The following KCNMA1 variants were observed in gnomAD, a reference collection of about 807,000 sequenced individuals.
KCNMA1 encodes the protein potassium calcium-activated channel subfamily M alpha 1, also known as Calcium-activated potassium channel subunit alpha-1.
Under a neutral mutation model 140.0 loss-of-function variants are expected in KCNMA1, and 29 were observed. The ratio of observed to expected loss-of-function variants is 0.21; its 90% CI spans 0.15 to 0.28. The LOEUF (loss-of-function observed/expected upper bound fraction) is 0.28. Among genes scored for constraint, KCNMA1 ranks in the 10% least tolerant of loss-of-function variants. The pLI, the probability that KCNMA1 is intolerant of heterozygous loss-of-function variation, is 1.00. For synonymous variants in KCNMA1, 612 were observed against 611.9 expected (o/e 1.00, Z 0.00); for missense variants, 880 against 1,602.2 (o/e 0.55, Z 7.70).
At chr10:77,127,071 AACACACACACACACACACACACACACAC>A (rs60249347) in intron 5 of KCNMA1, among the ~76,000 whole-genome samples, 4 of 146,374 alleles carry the variant, frequency 2.7e-5, no homozygotes, top group African/African-American at 5.1e-5. Flanking sequence ...CACACACACA[AACACACACACACACACACACACACACAC>A]ACACACACAC....
At chr10:77,620,477 T>C (rs1157799164) in intron 1 of KCNMA1, among the ~76,000 whole-genome samples, 1 of 152,208 alleles carries the variant, frequency 6.6e-6, no homozygotes, top group Non-Finnish European at 1.5e-5. Flanking sequence ...TCCTTGTCCA[T>C]GGGATACACA....
intron 26 of KCNMA1, among the ~76,000 whole-genome samples, chr10:76,890,123 C>T (rs2039262892): frequency 6.6e-6 from 1 of 152,164 alleles, no homozygotes; most frequent in Non-Finnish European, 1.5e-5. Flanking sequence ...GGCAAGGGTG[C>T]AAGAGAATGT....
At chr10:76,879,988 C>T (rs368190579), downstream of KCNMA1, among the ~76,000 whole-genome samples, 2 of 152,070 alleles carry the variant, frequency 1.3e-5, no homozygotes, top group South Asian at 2.1e-4. Flanking sequence ...GAGCTGCCCT[C>T]GGTTTTGGCC....
rs748433446 is a variant in KCNMA1 at position 77,332,223 on chromosome 10, G to C, written c.540+71639C>G. ...GCTGAGACCTAAAGCGTGCACAGGA[G>C]TTGGCCAGGGGATGAGAGGGAAAAA... is the stretch of plus-strand genomic sequence containing the variant. On this transcript the variant is annotated intron_variant, in intron 2 of 27. Coordinates refer to ENST00000286628, the MANE Select transcript of KCNMA1 (RefSeq NM_001161352.2). Among the ~76,000 whole-genome samples, 18 of 152,272 alleles carry C rather than the reference G, an allele frequency of 1.2e-4. No homozygotes were observed. In the Middle Eastern group the frequency reaches 0.01, roughly 88 times the overall value.
chr10:77,511,753 C>A (rs1351708812), intron 1 of KCNMA1, among the ~76,000 whole-genome samples: 1 of 152,156 alleles, frequency 6.6e-6, no homozygotes, highest in African/African-American at 2.4e-5. Context: ...TGTGACTATA[C>A]AGTCGTCCCT....
intron 2 of KCNMA1, among the ~76,000 whole-genome samples, chr10:77,262,162 T>C (rs1040301540): frequency 6.6e-6 from 1 of 152,198 alleles, no homozygotes; most frequent in Non-Finnish European, 1.5e-5. Context: ...CAACCCAAAG[T>C]GTCCATGGAC....
chr10:77,134,750 G>A (rs2097949257), intron 5 of KCNMA1, among the ~76,000 whole-genome samples: 1 of 152,016 alleles, frequency 6.6e-6, no homozygotes, highest in Non-Finnish European at 1.5e-5. Context: ...TGTAATCCCA[G>A]CACTTTGGGA....
chr10:77,399,527 G>A (rs2096191082), intron 2 of KCNMA1, among the ~76,000 whole-genome samples: 2 of 152,226 alleles, frequency 1.3e-5, no homozygotes, highest in Non-Finnish European at 2.9e-5. Context: ...CGTGCTCCAA[G>A]AGAAGGCTCT....
rs547336989 is a variant in KCNMA1, at chr10:77,320,211, G to T, written c.541-68955C>A. Reference sequence around the variant, plus strand: ...ATGGTGGAGAAGAATTCTGGGGAAAGAATTCTGGGGAAAGAGTGTCTGGCA... The same window carrying T: ...ATGGTGGAGAAGAATTCTGGGGAAATAATTCTGGGGAAAGAGTGTCTGGCA... On this transcript the variant is annotated intron_variant, in intron 2 of 27. Transcript: ENST00000286628. Among the ~76,000 whole-genome samples the T allele has an allele frequency of 1.5e-4, 23 of 152,344 alleles. 1 individual carries two copies. The South Asian group carries it at 4.3e-3, about 29-fold the overall frequency.
intron 3 of KCNMA1, among the ~76,000 whole-genome samples, chr10:77,216,266 G>A (rs2047760100): frequency 6.6e-6 from 1 of 152,102 alleles, no homozygotes; most frequent in Admixed American, 6.5e-5. Flanking sequence ...GAATTAGATT[G>A]CAGCGATAGT....
At chr10:77,308,450 T>G (rs2078374252) in intron 2 of KCNMA1, among the ~76,000 whole-genome samples, 1 of 152,210 alleles carries the variant, frequency 6.6e-6, no homozygotes, top group African/African-American at 2.4e-5. Flanking sequence ...GGAAAGCCCC[T>G]GCTCTCTTGC....
intron 2 of KCNMA1, among the ~76,000 whole-genome samples, chr10:77,307,844 C>T (rs1601972102): frequency 1.3e-5 from 2 of 152,148 alleles, no homozygotes; most frequent in African/African-American, 2.4e-5. Context: ...CCACTGCACC[C>T]GGCCTAAACA....
intron 24 of KCNMA1, chr10:76,910,367 T>C (rs1287439163): frequency 9.3e-6 from 4 of 432,388 alleles, no homozygotes; most frequent in Non-Finnish European, 1.7e-5. Context: ...TAGACTGTGC[T>C]GGCCAGTCCT....
In KCNMA1 at chr10:77,183,467, C is replaced by T. The variant is rs201814722; in HGVS notation, c.762G>A (p.Thr254=). 2.2e-5 allele frequency: 35 copies of T among 1,613,702 alleles called. No homozygotes were observed. The highest frequency in any genetic ancestry group is 2.3e-5 in the Non-Finnish European group (27 of 1,179,958). ...ACACAGACACAAACACGGGGGGCACCGTGAAGAAATCCACTACAGAGTTCA... is the reference window on the plus strand; with the variant it reads ...ACACAGACACAAACACGGGGGGCACTGTGAAGAAATCCACTACAGAGTTCA... ...LEVNSVVDFF[T]VPPVFVSVYL... is the part of the protein sequence containing the mutation. The change falls in exon 5 of 28, where the codon ACG becomes ACA. Residue 254 remains threonine (T), a synonymous_variant. Transcript: ENST00000286628.
At chr10:76,871,452 T>G (rs546961649) in exon 28 of KCNMA1, 1 of 152,276 alleles carries the variant, frequency 6.6e-6, no homozygotes, top group Non-Finnish European at 1.5e-5. Context: ...CAACCAATCT[T>G]CTACAACTAT....
rs142809695 is a variant in KCNMA1 at position 77,571,781 on chromosome 10, C to T, written c.378+65484G>A. Among the ~76,000 whole-genome samples the T allele has an allele frequency of 2.0e-3, 311 of 152,276 alleles. 1 individual carries two copies. The highest frequency in any genetic ancestry group is 7.1e-3 in the African/African-American group (294 of 41,558). On this transcript the variant is annotated intron_variant, in intron 1 of 27. Coordinates refer to ENST00000286628, the MANE Select transcript of KCNMA1 (RefSeq NM_001161352.2). Reference sequence around the variant, plus strand: ...TCAATCTGATTTATTGTAAACACAGCGAAGTCTTTCTTAGAGCCTAGATCT... The same window carrying T: ...TCAATCTGATTTATTGTAAACACAGTGAAGTCTTTCTTAGAGCCTAGATCT...
chr10:77,448,959 T>C (rs985139692), intron 1 of KCNMA1, among the ~76,000 whole-genome samples: 4 of 151,958 alleles, frequency 2.6e-5, no homozygotes, highest in Non-Finnish European at 5.9e-5. Flanking sequence ...TAGTGGTGCA[T>C]GCCTGTAATC....
intron 5 of KCNMA1, among the ~76,000 whole-genome samples, chr10:77,177,889 T>C (rs1376638747): frequency 1.3e-5 from 2 of 152,228 alleles, no homozygotes; most frequent in African/African-American, 4.8e-5. Flanking sequence ...AAAATGAGAT[T>C]GAAACTTTAG....
intron 8 of KCNMA1, among the ~76,000 whole-genome samples, chr10:77,109,891 C>T (rs150326890): frequency 2.1e-3 from 320 of 152,274 alleles, no homozygotes; most frequent in Non-Finnish European, 3.7e-3. Flanking sequence ...TAGACACTCT[C>T]CCTTATTAAC....
Sources: gnomAD v4.1 joint callset for allele counts (sites outside exome capture counted in the v4.1 genomes callset) on GRCh38, gnomAD v4.1.1 for gene constraint, MANE v1.5 for transcripts, NCBI Gene and HGNC (gene_info 2026-07-23, HGNC 2026-07-21) for gene names.